Variants in ACOT7 observed in about 807,000 individuals in gnomAD.
The protein encoded by ACOT7 is acyl-CoA thioesterase 7.
ACOT7 carries 12 observed loss-of-function variants against 40.2 expected under a neutral mutation model. That is an observed-to-expected ratio of 0.30 (90% CI 0.19 to 0.48). The LOEUF (loss-of-function observed/expected upper bound fraction) is 0.48, where lower values mean the gene tolerates loss of function less well. Among genes scored for constraint, ACOT7 ranks in the 20% least tolerant of loss-of-function variants. The probability of loss-of-function intolerance (pLI) is 0.99; values close to 1 mark genes in which losing one functional copy is unlikely to be tolerated. For synonymous variants in ACOT7, 228 were observed against 219.5 expected (o/e 1.04, Z -0.34); for missense variants, 395 against 530.8 (o/e 0.74, Z 2.51).
At chr1:6,357,250 A>T (rs1641771083) in intron 1 of ACOT7, among the ~76,000 whole-genome samples, 1 of 152,098 alleles carries the variant, frequency 6.6e-6, no homozygotes, top group Non-Finnish European at 1.5e-5. Context: ...AAAAAAAAAA[A>T]GTCAGTGCTA....
At position 6,330,053 on chromosome 1, in the gene ACOT7, A is replaced by AGT. The variant is rs1045539319; in HGVS notation, c.511-2642_511-2641dup. Among the ~76,000 whole-genome samples the AGT allele has an allele frequency of 2.6e-5, 4 of 151,872 alleles. No individual in the cohort carries two copies. The highest frequency in any genetic ancestry group is 4.8e-5 in the African/African-American group (2 of 41,374). On this transcript the variant is annotated intron_variant, in intron 4 of 8. Coordinates refer to ENST00000361521, the MANE Select transcript of ACOT7 (RefSeq NM_007274.4). This position sits in a 1 kb window ranked among gnomAD's most constrained non-coding sequence, Gnocchi z 4.6. ...GGGAGACGCACACATCCAGGAAACC[A>AGT]GTGTGTGTGTGTGGTGTGTGTGTGT...
intron 1 of ACOT7, among the ~76,000 whole-genome samples, chr1:6,375,571 A>G (rs759736239): frequency 6.6e-6 from 1 of 152,090 alleles, no homozygotes; most frequent in African/African-American, 2.4e-5. Flanking sequence ...TGGGAGGCTA[A>G]GCCAGAAGGA....
chr1:6,354,066 A>G (rs1027314067), intron 1 of ACOT7, among the ~76,000 whole-genome samples: 2 of 152,088 alleles, frequency 1.3e-5, no homozygotes, highest in African/African-American at 2.4e-5. Flanking sequence ...GATCAGAACC[A>G]TGTCTGTCCA....
Position 6,299,389 on chromosome 1 carries a change from A to C in ACOT7, c.713-4409T>G, listed in dbSNP as rs1319310151. 6.6e-6 allele frequency among the ~76,000 whole-genome samples: 1 copy of C among 152,212 alleles called. No homozygotes were observed. The highest frequency in any genetic ancestry group is 2.4e-5 in the African/African-American group (1 of 41,454). On this transcript the variant is annotated intron_variant, in intron 6 of 8. Coordinates refer to ENST00000361521, the MANE Select transcript of ACOT7 (RefSeq NM_007274.4). This position sits in a 1 kb window ranked among gnomAD's most constrained non-coding sequence, Gnocchi z 4.1. ...GGAAAGAAAAATGAAATAACTCAGA[A>C]CACCAGGTAACATGCTGGCTGAGAA...
At chr1:6,300,008 T>G (rs1639922787) in intron 6 of ACOT7, among the ~76,000 whole-genome samples, 1 of 152,100 alleles carries the variant, frequency 6.6e-6, no homozygotes, top group Non-Finnish European at 1.5e-5. Flanking sequence ...GGTGATGAAG[T>G]GACAACAGCT....
rs964117035 is a variant in ACOT7 at position 6,275,856 on chromosome 1, G to A, written c.1014+5246C>T. On this transcript the variant is annotated intron_variant, in intron 8 of 8. Coordinates refer to ENST00000361521, the MANE Select transcript of ACOT7 (RefSeq NM_007274.4). This position sits in a 1 kb window ranked among gnomAD's most constrained non-coding sequence, Gnocchi z 5.6. ...GCCACCTCGGGAGATGTGTGTTCAT[G>A]AGCACCAGAGAGACCCTCTGGGATG... 2.0e-5 allele frequency among the ~76,000 whole-genome samples: 3 copies of A among 152,118 alleles called. No individual in the cohort carries two copies. The highest frequency in any genetic ancestry group is 1.3e-4 in the Admixed American group (2 of 15,272).
intron 1 of ACOT7, among the ~76,000 whole-genome samples, chr1:6,351,304 G>T (rs1330571152): frequency 6.6e-6 from 1 of 152,368 alleles, no homozygotes; most frequent in Admixed American, 6.5e-5. Context: ...GTTGCCTGTG[G>T]AGCGGCCGGC....
chr1:6,382,040 A>C (rs1642345970), intron 1 of ACOT7, among the ~76,000 whole-genome samples: 1 of 151,544 alleles, frequency 6.6e-6, no homozygotes, highest in African/African-American at 2.4e-5. Flanking sequence ...CAGGAGGCTG[A>C]GGCAGGAGAA....
intron 1 of ACOT7, among the ~76,000 whole-genome samples, chr1:6,353,071 G>A (rs1641639531): frequency 6.6e-6 from 1 of 152,082 alleles, no homozygotes; most frequent in Admixed American, 6.6e-5. Flanking sequence ...TAGAGACAGG[G>A]TTTTGCCATG....
chr1:6,360,987 T>G (rs971813920), intron 1 of ACOT7, among the ~76,000 whole-genome samples: 1 of 152,160 alleles, frequency 6.6e-6, no homozygotes, highest in Non-Finnish European at 1.5e-5. Flanking sequence ...CTATTTCCCA[T>G]CTAGTAAATT....
chr1:6,348,978 C>T (rs983616218), intron 2 of ACOT7, among the ~76,000 whole-genome samples: 8 of 152,220 alleles, frequency 5.3e-5, no homozygotes, highest in East Asian at 1.9e-4. Context: ...TCCCTGGAGG[C>T]CACAGAAGGT....
intron 6 of ACOT7, among the ~76,000 whole-genome samples, chr1:6,305,873 C>T (rs1240061639): frequency 1.3e-5 from 2 of 151,964 alleles, no homozygotes; most frequent in Admixed American, 6.5e-5. Flanking sequence ...GCCGAGATCA[C>T]GCCACTGCAC....
At chr1:6,347,094 G>A (rs894650198) in intron 2 of ACOT7, among the ~76,000 whole-genome samples, 1 of 152,144 alleles carries the variant, frequency 6.6e-6, no homozygotes, top group Non-Finnish European at 1.5e-5. Flanking sequence ...AGACTGGAAG[G>A]CACCACCAGG....
At chr1:6,266,026 A>G (rs564690485) in intron 8 of ACOT7, among the ~76,000 whole-genome samples, 2 of 152,172 alleles carry the variant, frequency 1.3e-5, no homozygotes, top group African/African-American at 4.8e-5. Context: ...CCTGGAGCCA[A>G]TGGAATCTTC....
At chr1:6,316,338 C>T (rs953027997) in intron 6 of ACOT7, among the ~76,000 whole-genome samples, 1 of 152,156 alleles carries the variant, frequency 6.6e-6, no homozygotes, top group African/African-American at 2.4e-5. Flanking sequence ...GTTCTGCGGG[C>T]AGCAAGACAC....
chr1:6,383,740 C>T (rs951910251), intron 1 of ACOT7, among the ~76,000 whole-genome samples: 32 of 150,384 alleles, frequency 2.1e-4, no homozygotes, highest in African/African-American at 6.6e-4. Flanking sequence ...AGTCTTGCTC[C>T]GTGGCCCAGG....
intron 6 of ACOT7, among the ~76,000 whole-genome samples, chr1:6,300,611 C>T (rs1353818235): frequency 6.8e-6 from 1 of 146,640 alleles, no homozygotes; most frequent in Non-Finnish European, 1.5e-5. Flanking sequence ...CTCACCGGAC[C>T]CCACCCGATC....
intron 6 of ACOT7, among the ~76,000 whole-genome samples, chr1:6,317,885 CCA>C (rs1486282101): frequency 6.6e-6 from 1 of 152,080 alleles, no homozygotes; most frequent in Non-Finnish European, 1.5e-5. Flanking sequence ...GCGCCTGCCA[CCA>C]CACCTGGCTA....
At chr1:6,309,355 T>TATCC in intron 6 of ACOT7, among the ~76,000 whole-genome samples, 1 of 152,144 alleles carries the variant, frequency 6.6e-6, no homozygotes, top group East Asian at 1.9e-4. Flanking sequence ...GGAGGACAGC[T>TATCC]CCAAGATATG....
Sources: allele counts gnomAD v4.1 joint callset (sites outside exome capture counted in the v4.1 genomes callset), GRCh38; gene constraint gnomAD v4.1.1; non-coding constraint Gnocchi (gnomAD v3.1); transcripts MANE v1.5; gene names NCBI Gene and HGNC (gene_info 2026-07-23, HGNC 2026-07-21).